CDC42BPB: variants seen among roughly 807,000 people sequenced by gnomAD.
CDC42BPB encodes the protein serine/threonine-protein kinase MRCK beta.
Under a neutral mutation model 214.9 loss-of-function variants are expected in CDC42BPB, and 37 were observed. That is an observed-to-expected ratio of 0.17 (90% confidence interval 0.13 to 0.23). The LOEUF (loss-of-function observed/expected upper bound fraction) is 0.23. CDC42BPB is among the 10% of genes least tolerant of loss of function. The probability of loss-of-function intolerance (pLI) is 1.00; values close to 1 mark genes in which losing one functional copy is unlikely to be tolerated. For missense variants in CDC42BPB, 1,694 were observed against 2,227.0 expected (o/e 0.76, Z 4.82); for synonymous variants, 931 against 884.0 (o/e 1.05, Z -0.94).
intron 18 of CDC42BPB, 102 bp from the exon 19 acceptor site, chr14:102,964,752 G>A (rs1893118522): frequency 7.0e-7 from 1 of 1,419,156 alleles, no homozygotes; most frequent in Admixed American, 3.1e-5. Context: ...AGCCATTACG[G>A]TCTCATTTAG....
intron 1 of CDC42BPB, 136 bp downstream of exon 1, chr14:103,056,863 G>A (rs1370761453): frequency 7.3e-6 from 4 of 548,272 alleles, no homozygotes; most frequent in Admixed American, 8.7e-5. Context: ...AGAGCGAGAG[G>A]AGGCGAAGCC....
chr14:102,976,191 A>G, intron 9 of CDC42BPB, 142 bp from the exon 10 acceptor site: 1 of 1,448,746 alleles, frequency 6.9e-7, no homozygotes, highest in Non-Finnish European at 9.0e-7. Context: ...GGTTTATGGA[A>G]CCAAAGTTAG....
intron 1 of CDC42BPB, among the ~76,000 whole-genome samples, chr14:103,042,313 ATT>A (rs879522721): frequency 6.9e-6 from 1 of 145,242 alleles, no homozygotes; most frequent in Non-Finnish European, 1.5e-5. Context: ...ACACAACCCA[ATT>A]TTTTTTTTTT....
chr14:103,001,741 G>A lies in CDC42BPB; in HGVS notation c.448-2028C>T, dbSNP rs555151498. Among the ~76,000 whole-genome samples, 2 of 152,324 alleles carry A rather than the reference G, an allele frequency of 1.3e-5. No individual in the cohort carries two copies. The highest frequency in any genetic ancestry group is 2.1e-4 in the South Asian group (1 of 4,818). On this transcript the variant is annotated intron_variant, in intron 4 of 36. Coordinates refer to ENST00000361246, the MANE Select transcript of CDC42BPB (RefSeq NM_006035.4). The surrounding 1 kb of genome is among the most constrained non-coding windows in gnomAD (Gnocchi z 5.8). ...ACACACACGGGGCCAGGGGAGATGC[G>A]GTGAACGAACGGCCAGGCCCTCGGG...
chr14:102,951,549 G>A (rs1892490730), intron 24 of CDC42BPB, among the ~76,000 whole-genome samples: 1 of 152,196 alleles, frequency 6.6e-6, no homozygotes, highest in South Asian at 2.1e-4. Context: ...AGCACTTTGG[G>A]AGGCCGAGGC....
At chr14:103,028,084 T>G (rs1413338862) in intron 1 of CDC42BPB, among the ~76,000 whole-genome samples, 4 of 152,130 alleles carry the variant, frequency 2.6e-5, no homozygotes, top group African/African-American at 9.7e-5. Flanking sequence ...ATGCTGAGAT[T>G]GTGCCACTGC....
chr14:102,936,721 C>T (rs1891661334), intron 36 of CDC42BPB, among the ~76,000 whole-genome samples: 1 of 152,212 alleles, frequency 6.6e-6, no homozygotes, highest in African/African-American at 2.4e-5. Flanking sequence ...TTGAACTCCT[C>T]AGGCCATCCT....
chr14:102,957,793 CT>C (rs1892777840), intron 21 of CDC42BPB, among the ~76,000 whole-genome samples: 1 of 152,176 alleles, frequency 6.6e-6, no homozygotes, highest in Non-Finnish European at 1.5e-5. Context: ...ACATGGGCAC[CT>C]GCTGACTGCC....
Position 103,042,071 on chromosome 14 carries a change from CA to C in CDC42BPB, c.175+14927del, listed in dbSNP as rs558239042. On this transcript the variant is annotated intron_variant, in intron 1 of 36. Coordinates refer to ENST00000361246, the MANE Select transcript of CDC42BPB (RefSeq NM_006035.4). ...GCAAAGAGACAAGGAAGCTGAAGAA[CA>C]GGATGTTGAAGACAAAAAATAAAGC... The C allele has an allele frequency of 8.1e-5, 15 of 186,162 alleles. 1 individual carries two copies. In the South Asian group the frequency reaches 1.0e-3, roughly 13 times the overall value. The allele number at this position is 186,162 out of a possible 1,614,324, so 11.5% of individuals were successfully genotyped here.
chr14:102,985,991 C>T (rs1005643058), intron 6 of CDC42BPB, among the ~76,000 whole-genome samples: 5 of 152,316 alleles, frequency 3.3e-5, no homozygotes, highest in South Asian at 2.1e-4. Context: ...TCCCTGCTGG[C>T]GGGAGTGTCA....
intron 1 of CDC42BPB, chr14:103,041,416 C>A (rs1887985120): frequency 2.8e-6 from 2 of 706,180 alleles, no homozygotes; most frequent in Non-Finnish European, 4.5e-6. Flanking sequence ...GCAAAAAAAA[C>A]AACAAAAAAT....
intron 1 of CDC42BPB, among the ~76,000 whole-genome samples, chr14:103,035,835 G>T (rs1229682134): frequency 6.6e-6 from 1 of 151,156 alleles, no homozygotes; most frequent in South Asian, 2.1e-4. Context: ...GCAAGACTCT[G>T]TCTCAAAAAA....
chr14:102,987,621 AGAT>A (rs1428466617), intron 5 of CDC42BPB, among the ~76,000 whole-genome samples: 5 of 152,324 alleles, frequency 3.3e-5, no homozygotes, highest in South Asian at 2.1e-4. Context: ...AAACATGGGC[AGAT>A]GATAATTCTT....
intron 1 of CDC42BPB, among the ~76,000 whole-genome samples, chr14:103,044,365 CCT>C (rs1491406228): frequency 1.4e-5 from 2 of 146,612 alleles, no homozygotes; most frequent in Admixed American, 6.7e-5. Flanking sequence ...ACAGCCGGCA[CCT>C]TTTTTTTTTT....
chr14:103,003,986 T>A lies in CDC42BPB; in HGVS notation c.389A>T (p.Asn130Ile). 1 of 1,610,086 alleles carries A rather than the reference T, an allele frequency of 6.2e-7. No homozygotes were observed. The highest frequency in any genetic ancestry group is 8.5e-7 in the Non-Finnish European group (1 of 1,179,464). ...CFREERDVLV[N>I]GDCQWITALH... ...CGCGGTGATCCACTGGCAGTCGCCGTTCACCAGCACATCGCGCTCCTCTCG... is the reference window on the plus strand; with the variant it reads ...CGCGGTGATCCACTGGCAGTCGCCGATCACCAGCACATCGCGCTCCTCTCG... Residue 130 changes from asparagine to isoleucine, a missense_variant, in exon 4 of 37, where the codon AAC (asparagine) becomes ATC (isoleucine). Asn to Ile is a moderately radical substitution (Grantham distance 149, BLOSUM62 -3). This residue lies in a region of CDC42BPB where 225 missense variants were observed against 459.3 expected (regional missense o/e 0.49). Transcript: ENST00000361246.
intron 1 of CDC42BPB, among the ~76,000 whole-genome samples, chr14:103,053,168 T>C (rs1265629593): frequency 6.6e-6 from 1 of 151,684 alleles, no homozygotes; most frequent in Non-Finnish European, 1.5e-5. Context: ...GCCAAGATGG[T>C]GAAACCCCGT....
rs777103786 is a variant in CDC42BPB at position 102,940,320 on chromosome 14, G to A, written c.4413C>T (p.Cys1471=). The A allele has an allele frequency of 5.8e-5, 91 of 1,567,328 alleles. No individual in the cohort carries two copies. Among genetic ancestry groups the A allele is most frequent in the Non-Finnish European group, 7.8e-5 (90 of 1,156,418 alleles). Reference sequence around the variant, plus strand: ...TGTACACCGTGACGTGGGTGGGGCTGCAACCTAGCGCAGACGGAGCAGGGC... The same window carrying A: ...TGTACACCGTGACGTGGGTGGGGCTACAACCTAGCGCAGACGGAGCAGGGC... ...MWPAAPVACS[C]SPTHVTVYSE... is the part of the protein sequence containing the mutation. Residue 1471 remains cysteine, a synonymous_variant, in exon 31 of 37, where the codon TGC becomes TGT. Coordinates refer to ENST00000361246, the MANE Select transcript of CDC42BPB (RefSeq NM_006035.4).
intron 1 of CDC42BPB, among the ~76,000 whole-genome samples, chr14:103,020,007 C>T (rs1288197939): frequency 4.6e-5 from 7 of 152,194 alleles, no homozygotes; most frequent in Non-Finnish European, 5.9e-5. Flanking sequence ...GGAAGGAGTG[C>T]CCAGGGTGGG....
intron 7 of CDC42BPB, among the ~76,000 whole-genome samples, chr14:102,983,267 G>A (rs1161777305): frequency 3.3e-5 from 5 of 152,112 alleles, no homozygotes; most frequent in Non-Finnish European, 7.4e-5. Context: ...CCTCCAGGAA[G>A]CCAGCTTGGA....
Sources: gnomAD v4.1 joint callset for allele counts (sites outside exome capture counted in the v4.1 genomes callset) on GRCh38, gnomAD v4.1.1 for gene constraint, gnomAD v4.1.1 regional missense constraint, Gnocchi (gnomAD v3.1) non-coding constraint, MANE v1.5 for transcripts, NCBI Gene and HGNC (gene_info 2026-07-23, HGNC 2026-07-21) for gene names.